The following CERCAM variants were observed in gnomAD, a reference collection of about 807,000 sequenced individuals.
CERCAM encodes inactive glycosyltransferase 25 family member 3.
Under a neutral mutation model 66.0 loss-of-function variants are expected in CERCAM, and 59 were observed. The observed-to-expected ratio is 0.89, with a 90% confidence interval of 0.73 to 1.11. CERCAM has a LOEUF of 1.11. Among genes scored for constraint, CERCAM ranks in the 50% most tolerant of loss-of-function variants. The pLI is 0.00. For synonymous variants in CERCAM, 318 were observed against 343.6 expected (o/e 0.93, Z 0.83); for missense variants, 840 against 828.3 (o/e 1.01, Z -0.17).
In CERCAM at chr9:128,428,347, A is replaced by T. The variant is rs1833894116; in HGVS notation, c.812A>T (p.Asn271Ile). Residue 271 changes from asparagine to isoleucine, a missense_variant, in exon 6 of 13, where the codon AAT becomes ATT. Transcript: ENST00000372838. ...VCNEHRYGYM[N>I]VPVKSHQGLE... is the part of the protein sequence containing the mutation. ...AATGAGCACCGTTATGGGTACATGA[A>T]TGTGCCGGTGAAATCCCACCAGGGG... 6.2e-7 allele frequency: 1 copy of T among 1,614,126 alleles called. No homozygotes were observed. Among genetic ancestry groups the T allele is most frequent in the Non-Finnish European group, 8.5e-7 (1 of 1,180,002 alleles).
At chr9:128,433,827 TGCAGATACGCAGTGGCACA>T (rs1834036553) in intron 9 of CERCAM, among the ~76,000 whole-genome samples, 1 of 152,154 alleles carries the variant, frequency 6.6e-6, no homozygotes, top group East Asian at 1.9e-4. Flanking sequence ...TGAGGGCCCC[TGCAGATACGCAGTGGCACA>T]GCCCTGGGGC....
At chr9:128,420,780 C>T (rs1833687982), upstream of CERCAM, 1 of 385,790 alleles carries the variant, frequency 2.6e-6, no homozygotes, top group African/African-American at 2.1e-5. The surrounding 1 kb of genome is among the most constrained non-coding windows in gnomAD (Gnocchi z 5.0). Flanking sequence ...CCGCCCTCTC[C>T]GGGTCTGCCT....
At chr9:128,420,455 C>T (rs1168727790), upstream of CERCAM, 3 of 152,760 alleles carry the variant, frequency 2.0e-5, no homozygotes, top group African/African-American at 7.2e-5. This position sits in a 1 kb window ranked among gnomAD's most constrained non-coding sequence, Gnocchi z 5.0. Flanking sequence ...GTCTGCGGCT[C>T]AGGTCGAAGA....
chr9:128,435,778 C>A lies in CERCAM; in HGVS notation c.1661C>A (p.Pro554Gln). 6.2e-7 allele frequency: 1 copy of A among 1,613,322 alleles called. No homozygotes were observed. Among genetic ancestry groups the A allele is most frequent in the East Asian group, 2.2e-5 (1 of 44,882 alleles). The change falls in exon 12 of 13, where the codon CCA (proline) becomes CAA (glutamine). Residue 554 changes from proline (P) to glutamine (Q), a missense_variant. Physicochemically the swap from Pro to Gln is moderately conservative, Grantham distance 76. Coordinates refer to ENST00000372838, the MANE Select transcript of CERCAM (RefSeq NM_016174.5). Reference protein sequence around the residue: ...EWLSDTETSSPWDDDSGRLIS... With the variant: ...EWLSDTETSSQWDDDSGRLIS... ...CTCAGTGACACGGAGACATCCTCTC[C>A]ATGGGATGATGACAGCGGCCGCCTC... is the stretch of plus-strand genomic sequence containing the variant.
chr9:128,434,604 A>G lies in CERCAM; in HGVS notation c.1526A>G (p.Gln509Arg). ...VDEFLPIMFD[Q>R]HPNEQYKAHF... is the part of the protein sequence containing the mutation. ...GAGTTCCTGCCCATCATGTTCGACC[A>G]GCACCCCAAGTGAGGCTCTGATGGG... Residue 509 changes from glutamine to arginine, a missense_variant, in exon 11 of 13, where the codon CAG (glutamine) becomes CGG (arginine). Coordinates refer to ENST00000372838, the MANE Select transcript of CERCAM (RefSeq NM_016174.5). The surrounding 1 kb of genome is among the most constrained non-coding windows in gnomAD (Gnocchi z 4.5). The G allele has an allele frequency of 6.2e-7, 1 of 1,600,130 alleles. No individual in the cohort carries two copies. The highest frequency in any genetic ancestry group is 8.5e-7 in the Non-Finnish European group (1 of 1,179,054).
intron 5 of CERCAM, among the ~76,000 whole-genome samples, chr9:128,427,026 T>C (rs1833861037): frequency 6.6e-6 from 1 of 152,234 alleles, no homozygotes; most frequent in Non-Finnish European, 1.5e-5. Flanking sequence ...TTTGAAGGAA[T>C]TCAGTCTCTA....
rs1159480624 is a variant in CERCAM, at chr9:128,434,383, T to C, written c.1332-27T>C. ...CCATGACACCCAGGACCTAAGTGAC[T>C]CCTGGGCCCCTTGGTGTCACTTACA... On this transcript the variant is annotated intron_variant, in intron 10 of 12. Coordinates refer to ENST00000372838, the MANE Select transcript of CERCAM (RefSeq NM_016174.5). This position sits in a 1 kb window ranked among gnomAD's most constrained non-coding sequence, Gnocchi z 4.5. 6.2e-7 allele frequency: 1 copy of C among 1,611,974 alleles called. No individual in the cohort carries two copies. The highest frequency in any genetic ancestry group is 2.2e-5 in the East Asian group (1 of 44,848).
rs758697542 is a variant in CERCAM, at chr9:128,435,697, T to C, written c.1580T>C (p.Phe527Ser). The change falls in exon 12 of 13, where the codon TTC becomes TCC. Residue 527 changes from phenylalanine to serine, a missense_variant. Physicochemically the swap from Phe to Ser is radical, Grantham distance 155. Coordinates refer to ENST00000372838, the MANE Select transcript of CERCAM (RefSeq NM_016174.5). ...TTCTGGCCACGGGACCTGGTGGCCT[T>C]CTCCGCCCAGCCCCTGCTCGCTGCC... ...AHFWPRDLVA[F>S]SAQPLLAAPT... 355 of 1,613,706 alleles carry C rather than the reference T, an allele frequency of 2.2e-4. No individual in the cohort carries two copies. Among genetic ancestry groups the C allele is most frequent in the Non-Finnish European group, 2.6e-4 (307 of 1,179,976 alleles).
At chr9:128,423,927 C>G in intron 3 of CERCAM, 1 of 564,498 alleles carries the variant, frequency 1.8e-6, no homozygotes, top group Non-Finnish European at 3.1e-6. Flanking sequence ...ATCAGTAACT[C>G]AGGTATAATC....
chr9:128,421,304 CT>C, intron 1 of CERCAM: 1 of 1,225,706 alleles, frequency 8.2e-7, no homozygotes, highest in Non-Finnish European at 1.0e-6. Flanking sequence ...CCCACCCCTC[CT>C]TCTGGTCCCC....
At position 128,428,419 on chromosome 9, in the gene CERCAM, T is replaced by G. The variant is rs753523884; in HGVS notation, c.884T>G (p.Leu295Arg). 3.1e-6 allele frequency: 5 copies of G among 1,613,878 alleles called. No homozygotes were observed. The African/African-American group carries it at 4.0e-5, about 13-fold the overall frequency. Reference sequence around the variant, plus strand: ...TTCATCCACCTGATCTTAGAAGCACTAGGTGAGGGCTGGGGAACTGTTCCA... The same window carrying G: ...TTCATCCACCTGATCTTAGAAGCACGAGGTGAGGGCTGGGGAACTGTTCCA... ...VNFIHLILEALVDGPRMQASA... is the reference protein window; with the variant it reads ...VNFIHLILEARVDGPRMQASA... Residue 295 changes from leucine (L) to arginine (R), a missense_variant and splice_region_variant, in exon 6 of 13, where the codon CTA becomes CGA. Coordinates refer to ENST00000372838, the MANE Select transcript of CERCAM (RefSeq NM_016174.5).
chr9:128,426,555 G>A (rs900438350), intron 5 of CERCAM, among the ~76,000 whole-genome samples: 1 of 151,830 alleles, frequency 6.6e-6, no homozygotes, highest in Non-Finnish European at 1.5e-5. Context: ...AGGAGGCAGA[G>A]CTTGCAGTGA....
intron 9 of CERCAM, among the ~76,000 whole-genome samples, chr9:128,432,411 G>A (rs577558920): frequency 2.0e-5 from 3 of 146,988 alleles, no homozygotes; most frequent in East Asian, 2.0e-4. Flanking sequence ...TTGAGACAGG[G>A]TATTGCTCTG....
At chr9:128,421,817 T>TG (rs113034450) in intron 1 of CERCAM, 23,583 of 152,452 alleles carry the variant, frequency 0.15, 2,205 homozygotes, top group East Asian at 0.35. Context: ...ACAGTTGGGC[T>TG]GGGGGGGTGG....
chr9:128,425,005 G>A (rs866299488), intron 5 of CERCAM, among the ~76,000 whole-genome samples: 2 of 129,924 alleles, frequency 1.5e-5, no homozygotes, highest in East Asian at 2.3e-4. Flanking sequence ...TTACAGGTGT[G>A]AGCCACCCGC....
intron 12 of CERCAM, among the ~76,000 whole-genome samples, chr9:128,436,414 A>C (rs1415280857): frequency 1.3e-5 from 2 of 151,924 alleles, no homozygotes; most frequent in Admixed American, 1.3e-4. Context: ...CGTCCGGCTA[A>C]ATTTTGTATT....
chr9:128,423,765 A>G (rs1002771075), intron 3 of CERCAM, among the ~76,000 whole-genome samples: 1 of 152,092 alleles, frequency 6.6e-6, no homozygotes, highest in Non-Finnish European at 1.5e-5. Flanking sequence ...CTAAGCCTGG[A>G]CCCCTCAGAT....
chr9:128,423,264 G>A lies in CERCAM; in HGVS notation c.426+1G>A. ...GAACTGGGGGGCCGACTATATCCTG[G>A]TGAGGAAGTCTGGCTAGAATCGGGC... On this transcript the variant is annotated splice_donor_variant, in intron 3 of 12. Coordinates refer to ENST00000372838, the MANE Select transcript of CERCAM (RefSeq NM_016174.5). LOFTEE classifies it high-confidence loss of function. The A allele has an allele frequency of 6.2e-7, 1 of 1,611,646 alleles. No individual in the cohort carries two copies.
In CERCAM at chr9:128,423,189, A is replaced by G. The variant is rs770184933; in HGVS notation, c.352A>G (p.Arg118Gly). 2.5e-6 allele frequency: 4 copies of G among 1,614,160 alleles called. No individual in the cohort carries two copies. The highest frequency in any genetic ancestry group is 1.1e-5 in the South Asian group (1 of 91,088). The change falls in exon 3 of 13, where the codon AGG (arginine) becomes GGG (glycine). Residue 118 changes from arginine (R) to glycine (G), a missense_variant. By Grantham distance (125) the Arg-to-Gly change is moderately radical. Transcript: ENST00000372838. ...EEGPKHWTKERHQFLMELKQE... is the reference protein window; with the variant it reads ...EEGPKHWTKEGHQFLMELKQE... The stretch of plus-strand genomic sequence containing the variant: ...GGGTCCCAAGCACTGGACCAAAGAA[A>G]GGCACCAGTTTCTGATGGAGCTGAA...
Sources: allele counts gnomAD v4.1 joint callset (sites outside exome capture counted in the v4.1 genomes callset), GRCh38; gene constraint gnomAD v4.1.1; non-coding constraint Gnocchi (gnomAD v3.1); transcripts MANE v1.5; gene names NCBI Gene and HGNC (gene_info 2026-07-23, HGNC 2026-07-21).